The following NDRG3 variants were observed in gnomAD, a reference collection of about 807,000 sequenced individuals.
NDRG3 encodes NDRG family member 3, also known as protein NDRG3.
Under a neutral mutation model 57.2 loss-of-function variants are expected in NDRG3, and 23 were observed. The observed-to-expected ratio is 0.40, with a 90% CI of 0.29 to 0.57. NDRG3 has a LOEUF of 0.57. Ranked by LOEUF, NDRG3 falls within the 20% of genes least tolerant of loss-of-function variation. NDRG3 has a pLI of 0.42. For missense variants in NDRG3, 384 were observed against 457.3 expected, an observed-to-expected ratio of 0.84 and a Z score of 1.46; for synonymous variants, 132 against 162.6, an observed-to-expected ratio of 0.81 and a Z score of 1.43.
intron 8 of NDRG3, among the ~76,000 whole-genome samples, chr20:36,677,540 C>T (rs772545988): frequency 3.3e-5 from 5 of 152,196 alleles, no homozygotes; most frequent in Non-Finnish European, 5.9e-5. Context: ...CACTGGACAA[C>T]CAGCTGCAGA....
rs530904413 is a variant in NDRG3, at chr20:36,671,622, GA to G, written c.532-226del. On this transcript the variant is annotated intron_variant, in intron 8 of 15. Coordinates refer to ENST00000349004, the MANE Select transcript of NDRG3 (RefSeq NM_032013.4). ...TTGAGACCATCCTGGCTAACACGGT[GA>G]AACCCTGTCTCTACTAAAAATACAA... Among the ~76,000 whole-genome samples, 25 of 152,248 alleles carry G rather than the reference GA, an allele frequency of 1.6e-4. No individual in the cohort carries two copies. In the East Asian group the frequency reaches 4.6e-3, roughly 28 times the overall value.
chr20:36,682,269 G>A (rs534628235), intron 7 of NDRG3, among the ~76,000 whole-genome samples: 1 of 152,026 alleles, frequency 6.6e-6, no homozygotes, highest in Non-Finnish European at 1.5e-5. Flanking sequence ...TTTAATGGCC[G>A]CACAAAATTC....
chr20:36,673,975 T>G (rs1239701688), intron 8 of NDRG3, among the ~76,000 whole-genome samples: 1 of 151,600 alleles, frequency 6.6e-6, no homozygotes, highest in Non-Finnish European at 1.5e-5. Flanking sequence ...TGGTGGCACG[T>G]TATCTGTAAT....
chr20:36,731,176 C>G (rs1287039164), intron 1 of NDRG3, among the ~76,000 whole-genome samples: 2 of 152,072 alleles, frequency 1.3e-5, no homozygotes, highest in African/African-American at 2.4e-5. Context: ...AGCCTCCAAA[C>G]GACCACCAAA....
intron 2 of NDRG3, among the ~76,000 whole-genome samples, chr20:36,719,704 C>A (rs1379444002): frequency 7.3e-6 from 1 of 137,050 alleles, no homozygotes; most frequent in African/African-American, 2.6e-5. Context: ...CCATCTTTAT[C>A]CTCACACTCC....
chr20:36,737,375 G>C (rs1985662465), intron 1 of NDRG3, among the ~76,000 whole-genome samples: 1 of 152,060 alleles, frequency 6.6e-6, no homozygotes, highest in Admixed American at 6.6e-5. Context: ...CAGCTGTAAG[G>C]CGGAATCCCT....
chr20:36,666,076 G>C (rs1979607057), intron 10 of NDRG3, among the ~76,000 whole-genome samples: 1 of 152,112 alleles, frequency 6.6e-6, no homozygotes, highest in East Asian at 1.9e-4. Flanking sequence ...TTCAAAATCT[G>C]GCTTTACTCC....
At chr20:36,665,416 A>T in intron 10 of NDRG3, 115 bp from the exon 11 acceptor site, 7 of 940,726 alleles carry the variant, frequency 7.4e-6, no homozygotes, top group Non-Finnish European at 1.2e-5. Flanking sequence ...TCTTTCCTTC[A>T]CACCTGAGAA....
At chr20:36,722,224 G>C (rs530616342) in intron 1 of NDRG3, among the ~76,000 whole-genome samples, 181 of 152,244 alleles carry the variant, frequency 1.2e-3, no homozygotes, top group Middle Eastern at 6.8e-3. Flanking sequence ...AAGAAACTGA[G>C]ACCTTCAGTT....
At chr20:36,707,128 A>ACCTTCTGATGAGAAC in intron 2 of NDRG3, 121 bp from the exon 3 acceptor site, 1 of 868,194 alleles carries the variant, frequency 1.2e-6, no homozygotes, top group Non-Finnish European at 1.9e-6. Context: ...TAAAACTGAA[A>ACCTTCTGATGAGAAC]TAGTTCTCAT....
chr20:36,698,846 A>G (rs1316755319), intron 3 of NDRG3, among the ~76,000 whole-genome samples: 1 of 152,172 alleles, frequency 6.6e-6, no homozygotes, highest in Non-Finnish European at 1.5e-5. Context: ...AGCAAGATGC[A>G]AAAGGATATA....
At chr20:36,676,863 G>A (rs1478191436) in intron 8 of NDRG3, among the ~76,000 whole-genome samples, 1 of 152,246 alleles carries the variant, frequency 6.6e-6, no homozygotes. Context: ...CATGGAGCTG[G>A]CGGAAGCCCC....
In NDRG3 at chr20:36,686,359, G is replaced by A. The variant is rs546532900; in HGVS notation, c.320+1133C>T. ...CTCAGTTTCCTCACTTATAAAATGG[G>A]AATAATAGTAAACTTATCCCATAGG... On this transcript the variant is annotated intron_variant, in intron 5 of 15. Transcript: ENST00000349004. 7.9e-4 allele frequency among the ~76,000 whole-genome samples: 120 copies of A among 152,150 alleles called. 1 individual carries two copies. The highest frequency in any genetic ancestry group is 3.1e-4 in the Non-Finnish European group (21 of 68,038).
rs553500427 is a variant in NDRG3, at chr20:36,741,325, C to A, written c.-49+4720G>T. Among the ~76,000 whole-genome samples the A allele has an allele frequency of 1.5e-3, 228 of 152,280 alleles. 1 individual carries two copies. Among genetic ancestry groups the A allele is most frequent in the Middle Eastern group, 0.01 (3 of 294 alleles). On this transcript the variant is annotated intron_variant, in intron 1 of 15. Transcript: ENST00000349004. ...TGCCCATCTCAATCACCATCACCAG[C>A]CTGCAAGCTTTAGCAAAGGCTTTGT...
chr20:36,682,298 G>C (rs1981369518), intron 7 of NDRG3, among the ~76,000 whole-genome samples: 1 of 152,130 alleles, frequency 6.6e-6, no homozygotes, highest in South Asian at 2.1e-4. Context: ...GCAGCATCTA[G>C]GACTTGCTTT....
At chr20:36,738,402 G>A (rs1985719750) in intron 1 of NDRG3, among the ~76,000 whole-genome samples, 1 of 151,314 alleles carries the variant, frequency 6.6e-6, no homozygotes, top group Admixed American at 6.6e-5. Context: ...GACTGAGGCA[G>A]GAGAATTGCT....
In NDRG3 at chr20:36,672,807, C is replaced by G. The variant is rs1304170631; in HGVS notation, c.532-1410G>C. Among the ~76,000 whole-genome samples, 9 of 148,910 alleles carry G rather than the reference C, an allele frequency of 6.0e-5. No homozygotes were observed. In the East Asian group the frequency reaches 1.8e-3, roughly 29 times the overall value. ...TCATGCCACTGCACTCCGCCCTGGG[C>G]AACAGAGCAAGATTCCGTCTCAAAA... On this transcript the variant is annotated intron_variant, in intron 8 of 15. Transcript: ENST00000349004.
chr20:36,666,555 T>C (rs1255188120), intron 9 of NDRG3, among the ~76,000 whole-genome samples, 163 bp from the exon 10 acceptor site: 1 of 152,148 alleles, frequency 6.6e-6, no homozygotes, highest in African/African-American at 2.4e-5. Flanking sequence ...GAATGACTGA[T>C]TATTTGCATC....
intron 1 of NDRG3, 28 bp downstream of exon 1, chr20:36,746,017 C>G (rs1986175208): frequency 3.1e-6 from 1 of 318,230 alleles, no homozygotes. Flanking sequence ...GCGCGCCCCC[C>G]GCGGGCCGGG....
Sources: allele counts gnomAD v4.1 joint callset (sites outside exome capture counted in the v4.1 genomes callset), GRCh38; gene constraint gnomAD v4.1.1; transcripts MANE v1.5; gene names NCBI Gene and HGNC (gene_info 2026-07-23, HGNC 2026-07-21).